PTPRS: variants seen among roughly 807,000 people sequenced by gnomAD.
PTPRS encodes protein tyrosine phosphatase receptor type S.
Under a neutral mutation model 215.3 loss-of-function variants are expected in PTPRS, and 63 were observed. The ratio of observed to expected loss-of-function variants is 0.29; its 90% CI spans 0.24 to 0.36. PTPRS has a LOEUF of 0.36. Among genes scored for constraint, PTPRS ranks in the 10% least tolerant of loss-of-function variants. The probability of loss-of-function intolerance (pLI) is 1.00; values close to 1 mark genes in which losing one functional copy is unlikely to be tolerated. For missense variants in PTPRS, 2,258 were observed against 2,825.8 expected (o/e 0.80, Z 4.56); for synonymous variants, 1,404 against 1,191.4 (o/e 1.18, Z -3.68).
At chr19:5,277,057 GTTT>G (rs60512892) in intron 2 of PTPRS, among the ~76,000 whole-genome samples, 14 of 133,154 alleles carry the variant, frequency 1.1e-4, no homozygotes, top group Admixed American at 1.6e-4. Context: ...TGAGTTTTGT[GTTT>G]TTTTTTTTTT....
At chr19:5,232,601 G>T (rs2043108786) in intron 13 of PTPRS, among the ~76,000 whole-genome samples, 1 of 148,306 alleles carries the variant, frequency 6.7e-6, no homozygotes, top group South Asian at 2.1e-4. Context: ...ATACCAAGGG[G>T]AATGGCAACA....
At chr19:5,332,978 A>G (rs2050375397) in intron 1 of PTPRS, among the ~76,000 whole-genome samples, 1 of 150,156 alleles carries the variant, frequency 6.7e-6, no homozygotes. Flanking sequence ...GTAAAACCCC[A>G]TCTCTACCAA....
At chr19:5,324,226 C>CAAAAAAAAAAAAAAAAA (rs55793961) in intron 1 of PTPRS, among the ~76,000 whole-genome samples, 1 of 73,876 alleles carries the variant, frequency 1.4e-5, no homozygotes, top group African/African-American at 5.1e-5. Flanking sequence ...AACCCTGCCT[C>CAAAAAAAAAAAAAAAAA]AAAAAAAAAA....
At position 5,221,094 on chromosome 19, in the gene PTPRS, G is replaced by C. The variant is rs748360435; in HGVS notation, c.3361C>G (p.Leu1121Val). 6.2e-7 allele frequency: 1 copy of C among 1,614,012 alleles called. No individual in the cohort carries two copies. Among genetic ancestry groups the C allele is most frequent in the South Asian group, 1.1e-5 (1 of 91,072 alleles). Residue 1121 changes from leucine (L) to valine (V), a missense_variant, in exon 20 of 38, where the codon CTG (leucine) becomes GTG (valine). Leu to Val is a conservative substitution (Grantham distance 32, BLOSUM62 1). Transcript: ENST00000262963. Reference protein sequence around the residue: ...QTVTAWTAFNLLNGKPSVAPK... With the variant: ...QTVTAWTAFNVLNGKPSVAPK... ...GCGACGCTGGGCTTGCCGTTGAGCA[G>C]GTTGAAGGCAGTCCAGGCGGTGACC... is the stretch of plus-strand genomic sequence containing the variant.
chr19:5,241,244 C>G (rs534024942), intron 11 of PTPRS, among the ~76,000 whole-genome samples: 1 of 152,080 alleles, frequency 6.6e-6, no homozygotes, highest in South Asian at 2.1e-4. Flanking sequence ...AATTAGATGA[C>G]AGAGAAATTA....
In PTPRS at chr19:5,221,259, G is replaced by A. The variant is rs369716280; in HGVS notation, c.3202-6C>T. 1 of 1,609,360 alleles carries A rather than the reference G, an allele frequency of 6.2e-7. No homozygotes were observed. The highest frequency in any genetic ancestry group is 8.5e-7 in the Non-Finnish European group (1 of 1,177,100). On this transcript the variant is annotated splice_polypyrimidine_tract_variant and splice_region_variant and intron_variant, in intron 19 of 37. Coordinates refer to ENST00000262963, the MANE Select transcript of PTPRS (RefSeq NM_002850.4). ...GTGAGCCCATTGTACTGGATCTGCG[G>A]ACCAGGGCTAGCTCAGCAGGGCCTG...
chr19:5,268,031 T>A (rs1051793824), intron 4 of PTPRS, among the ~76,000 whole-genome samples: 1 of 151,946 alleles, frequency 6.6e-6, no homozygotes, highest in Admixed American at 6.5e-5. Flanking sequence ...TTAGCCGGGC[T>A]TGGTGACGGG....
chr19:5,254,271 G>A (rs1330400368), intron 9 of PTPRS, among the ~76,000 whole-genome samples: 2 of 152,192 alleles, frequency 1.3e-5, no homozygotes, highest in Non-Finnish European at 2.9e-5. Flanking sequence ...ACTTGGTCCA[G>A]GATTTAATAA....
chr19:5,327,171 A>G (rs1187022139), intron 1 of PTPRS, among the ~76,000 whole-genome samples: 1 of 152,176 alleles, frequency 6.6e-6, no homozygotes, highest in Non-Finnish European at 1.5e-5. Flanking sequence ...TCCGCACTGC[A>G]GTGGGCACAC....
intron 7 of PTPRS, among the ~76,000 whole-genome samples, chr19:5,260,562 G>T (rs921330183): frequency 1.2e-4 from 19 of 152,230 alleles, no homozygotes; most frequent in Admixed American, 1.1e-3. Context: ...CTTCCCAGAG[G>T]GGGAGAGAGC....
At chr19:5,216,818 G>A in intron 25 of PTPRS, 51 bp from the exon 26 acceptor site, 4 of 1,282,054 alleles carry the variant, frequency 3.1e-6, no homozygotes, top group Non-Finnish European at 4.4e-6. Context: ...GGTAGGGGGG[G>A]GTCCCACCTC....
intron 9 of PTPRS, 118 bp from the exon 10 acceptor site, chr19:5,246,163 G>C: frequency 1.9e-6 from 1 of 515,636 alleles, no homozygotes; most frequent in Non-Finnish European, 3.0e-6. Context: ...AAGAAAGAAA[G>C]AAGGAAAGAA....
intron 4 of PTPRS, among the ~76,000 whole-genome samples, chr19:5,270,963 T>C (rs1175013884): frequency 6.6e-6 from 1 of 152,156 alleles, no homozygotes; most frequent in Non-Finnish European, 1.5e-5. Context: ...TGGATGACTG[T>C]ACAGGTCACT....
At position 5,206,138 on chromosome 19, in the gene PTPRS, C is replaced by T. The variant is rs375635743; in HGVS notation, c.*636G>A. 6.9e-6 allele frequency among the ~76,000 whole-genome samples: 1 copy of T among 145,042 alleles called. No individual in the cohort carries two copies. Among genetic ancestry groups the T allele is most frequent in the Non-Finnish European group, 1.5e-5 (1 of 67,160 alleles). ...CGCGTTTGCGAACGTAACTATCACA[C>T]AAGGACGCTTTCTACAGTGAAAAAA... On this transcript the variant is annotated 3_prime_UTR_variant, in exon 38 of 38. Transcript: ENST00000262963.
At chr19:5,256,385 C>G (rs868261237) in intron 8 of PTPRS, among the ~76,000 whole-genome samples, 1 of 152,078 alleles carries the variant, frequency 6.6e-6, no homozygotes, top group Non-Finnish European at 1.5e-5. Flanking sequence ...AAGCTTGATT[C>G]TGGAGCATCT....
At chr19:5,327,110 C>T (rs865944252) in intron 1 of PTPRS, among the ~76,000 whole-genome samples, 46 of 152,316 alleles carry the variant, frequency 3.0e-4, no homozygotes, top group African/African-American at 1.1e-3. Flanking sequence ...GGCAGCCTGC[C>T]CTGCGACTCG....
intron 1 of PTPRS, among the ~76,000 whole-genome samples, chr19:5,289,122 GCCAAT>G (rs1305272357): frequency 1.3e-5 from 2 of 152,110 alleles, no homozygotes; most frequent in African/African-American, 2.4e-5. Flanking sequence ...TCCCTTAGGT[GCCAAT>G]CCTCCCTAGG....
At chr19:5,230,992 G>A (rs1230982626) in intron 14 of PTPRS, among the ~76,000 whole-genome samples, 1 of 152,188 alleles carries the variant, frequency 6.6e-6, no homozygotes, top group Non-Finnish European at 1.5e-5. Flanking sequence ...CATTGTTGTT[G>A]CAGGTGCTAT....
At chr19:5,277,241 T>C (rs1029272798) in intron 2 of PTPRS, among the ~76,000 whole-genome samples, 5 of 151,960 alleles carry the variant, frequency 3.3e-5, no homozygotes, top group South Asian at 4.2e-4. Context: ...TTTATTTTTT[T>C]TCCCCGAGGG....
Sources: gnomAD v4.1 joint callset for allele counts (sites outside exome capture counted in the v4.1 genomes callset) on GRCh38, gnomAD v4.1.1 for gene constraint, MANE v1.5 for transcripts, NCBI Gene and HGNC (gene_info 2026-07-23, HGNC 2026-07-21) for gene names.